The following CDH4 variants were observed in gnomAD, a reference collection of about 807,000 sequenced individuals.
CDH4 encodes the protein cadherin 4.
CDH4 carries 33 observed loss-of-function variants against 86.0 expected under a neutral mutation model. The observed-to-expected ratio is 0.38, with a 90% CI of 0.29 to 0.51. The LOEUF (loss-of-function observed/expected upper bound fraction) is 0.51, where lower values mean the gene tolerates loss of function less well. CDH4 is among the 20% of genes least tolerant of loss of function. The pLI is 0.86. For missense variants in CDH4, 1,114 were observed against 1,307.4 expected, an observed-to-expected ratio of 0.85 and a Z score of 2.28; for synonymous variants, 555 against 549.4, an observed-to-expected ratio of 1.01 and a Z score of -0.14.
chr20:61,498,657 G>A (rs951683017), intron 2 of CDH4, among the ~76,000 whole-genome samples: 2 of 152,144 alleles, frequency 1.3e-5, no homozygotes, highest in Non-Finnish European at 2.9e-5. Flanking sequence ...CAGAATCTCT[G>A]TCCAGGGTGG....
intron 6 of CDH4, among the ~76,000 whole-genome samples, chr20:61,857,559 T>C (rs1983074375): frequency 6.6e-6 from 1 of 152,262 alleles, no homozygotes; most frequent in Non-Finnish European, 1.5e-5. Context: ...GGGCCCCCCA[T>C]GTGGAGGGAG....
intron 3 of CDH4, among the ~76,000 whole-genome samples, chr20:61,746,446 C>T (rs1427610676): frequency 6.6e-6 from 1 of 152,158 alleles, no homozygotes; most frequent in Non-Finnish European, 1.5e-5. Context: ...CTCCACACCC[C>T]TGGAAGTGGG....
chr20:61,304,589 G>A (rs2084405290), intron 2 of CDH4, among the ~76,000 whole-genome samples: 1 of 152,068 alleles, frequency 6.6e-6, no homozygotes, highest in African/African-American at 2.4e-5. Flanking sequence ...AGAGGGCCTG[G>A]CTGTGCCATA....
At chr20:61,931,140 C>T (rs1341311187) in intron 13 of CDH4, among the ~76,000 whole-genome samples, 1 of 152,250 alleles carries the variant, frequency 6.6e-6, no homozygotes, top group East Asian at 1.9e-4. Context: ...TCTCAACCCT[C>T]GCTCATCTTG....
chr20:61,286,690 G>C (rs1290397558), intron 2 of CDH4, among the ~76,000 whole-genome samples: 1 of 152,218 alleles, frequency 6.6e-6, no homozygotes, highest in Non-Finnish European at 1.5e-5. Flanking sequence ...ACAATGAGAA[G>C]AGTTGTGTTT....
intron 2 of CDH4, among the ~76,000 whole-genome samples, chr20:61,590,790 A>G (rs1409179133): frequency 6.6e-6 from 1 of 151,510 alleles, no homozygotes; most frequent in Non-Finnish European, 1.5e-5. Flanking sequence ...ATTTGGGGAT[A>G]TAATTTAAAT....
intron 4 of CDH4, among the ~76,000 whole-genome samples, chr20:61,841,350 AC>A (rs1174484912): frequency 6.6e-6 from 1 of 151,632 alleles, no homozygotes; most frequent in Non-Finnish European, 1.5e-5. Flanking sequence ...CTTTTCTCCC[AC>A]CCCCGAGGAA....
chr20:61,716,702 A>G (rs2087958943), intron 2 of CDH4, among the ~76,000 whole-genome samples: 1 of 152,176 alleles, frequency 6.6e-6, no homozygotes, highest in African/African-American at 2.4e-5. Context: ...TGAAGTCAGG[A>G]GTTTGAGACC....
At chr20:61,335,900 C>G (rs2084614436) in intron 2 of CDH4, among the ~76,000 whole-genome samples, 1 of 152,184 alleles carries the variant, frequency 6.6e-6, no homozygotes, top group South Asian at 2.1e-4. Flanking sequence ...CAGAATCATC[C>G]AGGTTGACGC....
intron 2 of CDH4, among the ~76,000 whole-genome samples, chr20:61,733,544 G>A (rs1390152864): frequency 6.6e-6 from 1 of 152,076 alleles, no homozygotes; most frequent in Non-Finnish European, 1.5e-5. Context: ...TCGTGGGCCG[G>A]CTGCCTCATG....
At chr20:61,887,220 T>C (rs1291447309) in intron 7 of CDH4, among the ~76,000 whole-genome samples, 1 of 152,112 alleles carries the variant, frequency 6.6e-6, no homozygotes, top group Non-Finnish European at 1.5e-5. Context: ...CAACCCTGCC[T>C]GGACTTCAGA....
chr20:61,702,045 C>T (rs926131983), intron 2 of CDH4, among the ~76,000 whole-genome samples: 3 of 152,140 alleles, frequency 2.0e-5, no homozygotes, highest in Admixed American at 6.6e-5. Flanking sequence ...CCCTCTTCAC[C>T]GAAGTGCAGT....
rs188139705 is a variant in CDH4 at position 61,775,783 on chromosome 20, T to C, written c.576+2601T>C. The stretch of plus-strand genomic sequence containing the variant: ...ACCAGCGGCATCTGACTGTTATCTC[T>C]GTTATCTTAGCACAACTGGGATATT... On this transcript the variant is annotated intron_variant, in intron 4 of 15. Transcript: ENST00000614565. Among the ~76,000 whole-genome samples the C allele has an allele frequency of 3.9e-5, 6 of 152,356 alleles. No homozygotes were observed. In the East Asian group the frequency reaches 1.2e-3, roughly 29 times the overall value.
At chr20:61,469,220 C>A (rs2085489073) in intron 2 of CDH4, among the ~76,000 whole-genome samples, 2 of 152,096 alleles carry the variant, frequency 1.3e-5, no homozygotes, top group Non-Finnish European at 2.9e-5. Flanking sequence ...TTTGTTATTG[C>A]CTGTCTTTTG....
At chr20:61,598,523 T>C (rs548118621) in intron 2 of CDH4, among the ~76,000 whole-genome samples, 1 of 152,244 alleles carries the variant, frequency 6.6e-6, no homozygotes, top group Non-Finnish European at 1.5e-5. Context: ...AAAAGGGACC[T>C]GAGTGGCCGA....
chr20:61,348,580 CTT>C (rs1211763751), intron 2 of CDH4, among the ~76,000 whole-genome samples: 1 of 152,144 alleles, frequency 6.6e-6, no homozygotes, highest in Non-Finnish European at 1.5e-5. Flanking sequence ...CTTCTGTTCT[CTT>C]TAATTTTCTT....
chr20:61,767,875 T>A (rs754161885), intron 3 of CDH4, among the ~76,000 whole-genome samples: 1 of 152,142 alleles, frequency 6.6e-6, no homozygotes, highest in Non-Finnish European at 1.5e-5. Context: ...CAAGGACGGC[T>A]CCATGAAACA....
At chr20:61,768,354 CTA>C (rs1053346147) in intron 3 of CDH4, among the ~76,000 whole-genome samples, 1 of 152,124 alleles carries the variant, frequency 6.6e-6, no homozygotes, top group African/African-American at 2.4e-5. Flanking sequence ...TCATATATAT[CTA>C]TATGTGCATG....
chr20:61,727,671 G>C (rs6089495), intron 2 of CDH4, among the ~76,000 whole-genome samples: 50,175 of 152,072 alleles, frequency 0.33, 9,349 homozygotes, highest in South Asian at 0.44. Context: ...CCATAGGTGT[G>C]CAGATCACGT....
Sources: gnomAD v4.1 joint callset for allele counts (sites outside exome capture counted in the v4.1 genomes callset) on GRCh38, gnomAD v4.1.1 for gene constraint, MANE v1.5 for transcripts, NCBI Gene and HGNC (gene_info 2026-07-23, HGNC 2026-07-21) for gene names.